DSCAML1: variants seen among roughly 807,000 people sequenced by gnomAD.
The protein encoded by DSCAML1 is cell adhesion molecule DSCAML1.
A neutral mutation model predicts 200.5 loss-of-function variants in DSCAML1; 38 were observed. The ratio of observed to expected loss-of-function variants is 0.19; its 90% CI spans 0.15 to 0.25. The LOEUF is 0.25. Ranked by LOEUF, DSCAML1 falls within the 10% of genes least tolerant of loss-of-function variation. DSCAML1 has a pLI of 1.00. For synonymous variants in DSCAML1, 1,215 were observed against 1,165.0 expected (o/e 1.04, Z -0.87); for missense variants, 2,223 against 2,858.8 (o/e 0.78, Z 5.07).
At chr11:117,602,535 A>AT (rs2051484717) in intron 3 of DSCAML1, among the ~76,000 whole-genome samples, 1 of 151,904 alleles carries the variant, frequency 6.6e-6, no homozygotes, top group South Asian at 2.1e-4. Context: ...TAATTTTTGT[A>AT]TTTTTGGTAG....
intron 3 of DSCAML1, among the ~76,000 whole-genome samples, chr11:117,630,823 A>G (rs892143882): frequency 3.3e-5 from 5 of 152,122 alleles, no homozygotes; most frequent in Non-Finnish European, 5.9e-5. Context: ...GCCCAGCAGG[A>G]GGAAGAGTGC....
intron 3 of DSCAML1, among the ~76,000 whole-genome samples, chr11:117,681,998 C>T (rs563230331): frequency 8.5e-5 from 13 of 152,294 alleles, no homozygotes; most frequent in Middle Eastern, 3.4e-3. Flanking sequence ...TTGTCACTCC[C>T]GCTTCATTCT....
intron 3 of DSCAML1, among the ~76,000 whole-genome samples, chr11:117,682,710 C>G (rs528077666): frequency 8.5e-5 from 13 of 152,252 alleles, no homozygotes; most frequent in Middle Eastern, 3.4e-3. Flanking sequence ...CCCCTCGCTC[C>G]CAGCCAAGCC....
chr11:117,768,472 C>T (rs1269075130), intron 3 of DSCAML1, among the ~76,000 whole-genome samples: 1 of 152,184 alleles, frequency 6.6e-6, no homozygotes, highest in Non-Finnish European at 1.5e-5. Flanking sequence ...TAGCTTACCA[C>T]CTCTAGCCCA....
At chr11:117,671,081 G>C (rs765546984) in intron 3 of DSCAML1, among the ~76,000 whole-genome samples, 4 of 152,190 alleles carry the variant, frequency 2.6e-5, no homozygotes, top group Non-Finnish European at 5.9e-5. Context: ...TGCACTTGAC[G>C]TTAACATTTC....
intron 3 of DSCAML1, among the ~76,000 whole-genome samples, chr11:117,625,065 C>T (rs896228387): frequency 2.0e-5 from 3 of 152,186 alleles, no homozygotes; most frequent in African/African-American, 4.8e-5. Flanking sequence ...GTGATTCCAA[C>T]GTGTGGTCAG....
Position 117,444,063 on chromosome 11 carries a change from T to G in DSCAML1, c.3709-24A>C, listed in dbSNP as rs948287204. 6 of 1,594,724 alleles carry G rather than the reference T, an allele frequency of 3.8e-6. No homozygotes were observed. In the Admixed American group the frequency reaches 5.1e-5, roughly 14 times the overall value. The stretch of plus-strand genomic sequence containing the variant: ...GCCTGCGGGGCAGAGGCAAAGAGGC[T>G]CTAAGAAGCAGAACTGGGGCCCTCC... On this transcript the variant is annotated intron_variant, in intron 20 of 32. Transcript: ENST00000651296.
intron 12 of DSCAML1, 68 bp from the exon 13 acceptor site, chr11:117,481,338 A>C: frequency 1.3e-6 from 2 of 1,500,946 alleles, no homozygotes; most frequent in Non-Finnish European, 1.8e-6. Flanking sequence ...TGGTCAGCTG[A>C]AGGGGTCACT....
At chr11:117,714,760 C>G (rs890950029) in intron 3 of DSCAML1, among the ~76,000 whole-genome samples, 2 of 139,612 alleles carry the variant, frequency 1.4e-5, no homozygotes, top group African/African-American at 5.3e-5. Context: ...AGGTGGAGGT[C>G]GCAGTGAACC....
At chr11:117,600,395 GAGCCGAAT>G (rs1407083067) in intron 3 of DSCAML1, among the ~76,000 whole-genome samples, 2 of 152,174 alleles carry the variant, frequency 1.3e-5, no homozygotes, top group East Asian at 3.9e-4. Context: ...TACGGTTGTA[GAGCCGAAT>G]CTCACTCTGG....
intron 16 of DSCAML1, among the ~76,000 whole-genome samples, chr11:117,468,109 C>G (rs2048619536): frequency 6.6e-6 from 1 of 152,036 alleles, no homozygotes; most frequent in African/African-American, 2.4e-5. Context: ...CTTCTCTGTC[C>G]CCCGCCTCTC....
Position 117,797,037 on chromosome 11 carries a change from T to C in DSCAML1, c.43A>G (p.Lys15Glu). The C allele has an allele frequency of 6.6e-7, 1 of 1,523,506 alleles. No homozygotes were observed. Among genetic ancestry groups the C allele is most frequent in the Non-Finnish European group, 8.8e-7 (1 of 1,132,920 alleles). 94.4% of individuals were successfully genotyped at this position (1,523,506 alleles called of 1,614,324 possible). Residue 15 changes from lysine (K) to glutamate (E), a missense_variant, in exon 1 of 33, where the codon AAA becomes GAA. This residue lies in a region of DSCAML1 where 579 missense variants were observed against 721.5 expected (regional missense o/e 0.80). Transcript: ENST00000651296. ...CAGCCGCCCGCGCAGGTCTCACCTTTGTGTAAAGAGTCCAGGAGCAGGAGG... is the reference window on the plus strand; with the variant it reads ...CAGCCGCCCGCGCAGGTCTCACCTTCGTGTAAAGAGTCCAGGAGCAGGAGG... ...TFLLLLDSLH[K>E]ARPEDVGTSL... is the part of the protein sequence containing the mutation.
intron 3 of DSCAML1, among the ~76,000 whole-genome samples, chr11:117,677,289 C>T (rs774214623): frequency 1.3e-5 from 2 of 152,148 alleles, no homozygotes; most frequent in Non-Finnish European, 2.9e-5. Context: ...GGGTCGGGGG[C>T]TGGTTCTGAG....
intron 3 of DSCAML1, among the ~76,000 whole-genome samples, chr11:117,544,870 C>A (rs1476618801): frequency 1.3e-5 from 2 of 152,052 alleles, no homozygotes; most frequent in Non-Finnish European, 2.9e-5. Context: ...GGAGATAGAG[C>A]CTTTAAAGAG....
rs148480242 is a variant in DSCAML1 at position 117,435,472 on chromosome 11, A to C, written c.4876+172T>G. ...GGGGGCATAGAGGAGGAAGTGGTGA[A>C]CGAAACCTTCTGAACTAAGGAGGTT... is the stretch of plus-strand genomic sequence containing the variant. On this transcript the variant is annotated intron_variant, in intron 27 of 32. Coordinates refer to ENST00000651296, the MANE Select transcript of DSCAML1 (RefSeq NM_020693.4). Among the ~76,000 whole-genome samples the C allele has an allele frequency of 3.0e-3, 458 of 152,368 alleles. 3 individuals are homozygous for C. Among genetic ancestry groups the C allele is most frequent in the African/African-American group, 0.01 (430 of 41,590 alleles).
intron 3 of DSCAML1, among the ~76,000 whole-genome samples, chr11:117,575,461 C>A (rs1370614618): frequency 6.6e-6 from 1 of 152,202 alleles, no homozygotes; most frequent in Non-Finnish European, 1.5e-5. Context: ...CAGGCCCAAG[C>A]TCTACCCTTG....
chr11:117,443,322 G>A (rs574365670), intron 21 of DSCAML1, among the ~76,000 whole-genome samples: 8 of 152,342 alleles, frequency 5.3e-5, no homozygotes, highest in African/African-American at 1.9e-4. Flanking sequence ...AGCCCCCATG[G>A]CACACCCATG....
chr11:117,511,730 C>A (rs1592681979), intron 8 of DSCAML1, among the ~76,000 whole-genome samples: 1 of 152,262 alleles, frequency 6.6e-6, no homozygotes, highest in African/African-American at 2.4e-5. Flanking sequence ...TTCATATGGT[C>A]CCACCTGCAG....
At chr11:117,491,801 T>A (rs2137248398) in intron 11 of DSCAML1, among the ~76,000 whole-genome samples, 1 of 151,930 alleles carries the variant, frequency 6.6e-6, no homozygotes, top group Admixed American at 6.6e-5. Flanking sequence ...AAAAACCCCA[T>A]GAATATCAGA....
Sources: allele counts gnomAD v4.1 joint callset (sites outside exome capture counted in the v4.1 genomes callset), GRCh38; gene constraint gnomAD v4.1.1; regional missense constraint gnomAD v4.1.1; transcripts MANE v1.5; gene names NCBI Gene and HGNC (gene_info 2026-07-23, HGNC 2026-07-21).